Variants in DOP1A observed in about 807,000 individuals in gnomAD.
DOP1A encodes DOP1 leucine zipper like protein A.
DOP1A carries 90 observed loss-of-function variants against 267.6 expected under a neutral mutation model. That is an observed-to-expected ratio of 0.34 (90% confidence interval 0.28 to 0.40). The LOEUF (loss-of-function observed/expected upper bound fraction) is 0.40. Among genes scored for constraint, DOP1A ranks in the 10% least tolerant of loss-of-function variants. DOP1A has a pLI of 1.00. For synonymous variants in DOP1A, 932 were observed against 999.1 expected, an observed-to-expected ratio of 0.93 and a Z score of 1.27; for missense variants, 2,437 against 2,900.4, an observed-to-expected ratio of 0.84 and a Z score of 3.67.
Position 83,125,507 on chromosome 6 carries a change from A to G in DOP1A, c.1493A>G (p.Tyr498Cys), listed in dbSNP as rs772402762. The G allele has an allele frequency of 1.9e-6, 3 of 1,612,876 alleles. No homozygotes were observed. In the South Asian group the frequency reaches 3.3e-5, roughly 18 times the overall value. ...TTTCACTTTTATTTTCAGGAGACTTACATTGAAATCCAGACAGAACACTTG... is the reference window on the plus strand; with the variant it reads ...TTTCACTTTTATTTTCAGGAGACTTGCATTGAAATCCAGACAGAACACTTG... ...RSMRVLCQETYIEIQTEHLPQ... is the reference protein window; with the variant it reads ...RSMRVLCQETCIEIQTEHLPQ... The change falls in exon 15 of 39, where the codon TAC (tyrosine) becomes TGC (cysteine). Residue 498 changes from tyrosine to cysteine, a missense_variant. Around this residue, in one of 9 missense-constraint regions of DOP1A, gnomAD observed 498 missense variants for 513.5 expected, o/e 0.97. Transcript: ENST00000349129.
chr6:83,082,122 A>T (rs1054629763), intron 1 of DOP1A, among the ~76,000 whole-genome samples: 2 of 149,006 alleles, frequency 1.3e-5, no homozygotes, highest in Admixed American at 6.6e-5. Flanking sequence ...GGGGCCTCAA[A>T]AAATGAAAAA....
intron 1 of DOP1A, among the ~76,000 whole-genome samples, chr6:83,078,594 T>C (rs1767541641): frequency 6.6e-6 from 1 of 152,198 alleles, no homozygotes; most frequent in Non-Finnish European, 1.5e-5. Context: ...CTGTTGACAG[T>C]AATGAAGGAA....
At chr6:83,140,554 CGT>C in intron 23 of DOP1A, 151 bp downstream of exon 23, 1 of 666,848 alleles carries the variant, frequency 1.5e-6, no homozygotes, top group Non-Finnish European at 2.4e-6. Flanking sequence ...CTATGGCTGA[CGT>C]ATCATAGAAT....
chr6:83,089,989 A>G (rs1770040609), intron 1 of DOP1A, among the ~76,000 whole-genome samples: 1 of 152,234 alleles, frequency 6.6e-6, no homozygotes, highest in African/African-American at 2.4e-5. Context: ...AATATTCACA[A>G]GACAATTCAA....
chr6:83,148,573 T>A (rs1310216660), intron 26 of DOP1A, among the ~76,000 whole-genome samples, 186 bp from the exon 27 acceptor site: 1 of 152,086 alleles, frequency 6.6e-6, no homozygotes, highest in Non-Finnish European at 1.5e-5. Context: ...CATCTCTGTT[T>A]TAAAAAAAAG....
intron 1 of DOP1A, among the ~76,000 whole-genome samples, chr6:83,073,991 C>A (rs948873971): frequency 6.6e-6 from 1 of 152,128 alleles, no homozygotes; most frequent in African/African-American, 2.4e-5. Flanking sequence ...AGCAGTGATT[C>A]CATGTGGTAA....
intron 7 of DOP1A, among the ~76,000 whole-genome samples, chr6:83,114,994 A>G (rs990426203): frequency 3.3e-5 from 5 of 152,092 alleles, no homozygotes; most frequent in Admixed American, 6.5e-5. Flanking sequence ...CCCTCTTTCT[A>G]TGTCTTACAT....
chr6:83,122,142 A>T (rs1488437765), intron 11 of DOP1A, 92 bp downstream of exon 11: 2 of 1,430,428 alleles, frequency 1.4e-6, no homozygotes, highest in Non-Finnish European at 1.9e-6. Context: ...ATCCTACTCT[A>T]TGAAGTTTGT....
chr6:83,077,033 A>T (rs1312319509), intron 1 of DOP1A, among the ~76,000 whole-genome samples: 2 of 152,252 alleles, frequency 1.3e-5, no homozygotes, highest in African/African-American at 2.4e-5. Context: ...AGACCCATAC[A>T]ATATGGTTCC....
intron 4 of DOP1A, among the ~76,000 whole-genome samples, chr6:83,101,175 C>T (rs930879319): frequency 2.6e-5 from 4 of 152,062 alleles, no homozygotes; most frequent in Non-Finnish European, 5.9e-5. Context: ...GCCACCACGC[C>T]CGACTAATTT....
Position 83,145,777 on chromosome 6 carries a change from A to G in DOP1A, c.5676+119A>G, listed in dbSNP as rs73749715. On this transcript the variant is annotated intron_variant, in intron 25 of 38. Coordinates refer to ENST00000349129, the MANE Select transcript of DOP1A (RefSeq NM_015018.4). The stretch of plus-strand genomic sequence containing the variant: ...TAGTACAGATTGCAGAGATGACTGC[A>G]TGTGGCCCTCACACTGCTTCAATCA... The G allele has an allele frequency of 4.9e-3, 4,436 of 904,022 alleles. 149 individuals carry two copies. In the African/African-American group the frequency reaches 0.066, roughly 13 times the overall value. The allele number at this position is 904,022 out of a possible 1,614,324, so 56.0% of individuals were successfully genotyped here.
chr6:83,130,092 G>T, intron 16 of DOP1A, 31 bp from the exon 17 acceptor site: 1 of 1,601,800 alleles, frequency 6.2e-7, no homozygotes, highest in South Asian at 1.1e-5. Context: ...TTAGTATAAT[G>T]AACTCTGATT....
chr6:83,108,932 G>T lies in DOP1A; in HGVS notation c.343G>T (p.Ala115Ser). 2 of 1,611,276 alleles carry T rather than the reference G, an allele frequency of 1.2e-6. No individual in the cohort carries two copies. Among genetic ancestry groups the T allele is most frequent in the Non-Finnish European group, 8.5e-7 (1 of 1,178,834 alleles). Residue 115 changes from alanine to serine, a missense_variant, in exon 5 of 39, where the codon GCA becomes TCA. By Grantham distance (99) the Ala-to-Ser change is moderately conservative. Transcript: ENST00000349129. ...TAGTTCTGGATTATTTCCTCTTCTT[G>T]CAAATGCTGCCATGTCTGTGAAACC... The part of the protein sequence containing the change: ...LYSSGLFPLL[A>S]NAAMSVKPTL...
rs1459198188 is a variant in DOP1A at position 83,129,234 on chromosome 6, C to G, written c.2067C>G (p.Ile689Met). ...TCCAACAGTTTCTTACCAGACTTAT[C>G]AACCTCTACATCATTCAGAATAACT... ...EYVQQFLTRL[I>M]NLYIIQNNSF... Residue 689 changes from isoleucine to methionine, a missense_variant, in exon 16 of 39, where the codon ATC (isoleucine) becomes ATG (methionine). Coordinates refer to ENST00000349129, the MANE Select transcript of DOP1A (RefSeq NM_015018.4). 2 of 1,613,596 alleles carry G rather than the reference C, an allele frequency of 1.2e-6. No homozygotes were observed. Among genetic ancestry groups the G allele is most frequent in the Non-Finnish European group, 8.5e-7 (1 of 1,179,814 alleles).
chr6:83,162,961 A>C, intron 38 of DOP1A, 42 bp downstream of exon 38: 1 of 1,576,836 alleles, frequency 6.3e-7, no homozygotes, highest in Non-Finnish European at 8.6e-7. Context: ...ACATCACTAC[A>C]TGTTGCATTA....
At chr6:83,108,618 A>C (rs1170850955) in intron 4 of DOP1A, among the ~76,000 whole-genome samples, 2 of 152,198 alleles carry the variant, frequency 1.3e-5, no homozygotes, top group Non-Finnish European at 2.9e-5. Flanking sequence ...CAGTTATTAC[A>C]GGGAAGGCAC....
At chr6:83,077,596 A>G (rs1258385755) in intron 1 of DOP1A, among the ~76,000 whole-genome samples, 1 of 152,146 alleles carries the variant, frequency 6.6e-6, no homozygotes, top group Non-Finnish European at 1.5e-5. Flanking sequence ...GGATTGCTTG[A>G]GCCCAGGAGT....
chr6:83,131,460 G>A (rs1478448058), intron 17 of DOP1A, among the ~76,000 whole-genome samples: 1 of 152,002 alleles, frequency 6.6e-6, no homozygotes, highest in Non-Finnish European at 1.5e-5. Flanking sequence ...ATTATCTATT[G>A]TATAGGTTTT....
chr6:83,147,176 C>T, intron 25 of DOP1A, 60 bp from the exon 26 acceptor site: 3 of 857,158 alleles, frequency 3.5e-6, no homozygotes, highest in Non-Finnish European at 5.4e-6. Context: ...GTAGTTGCAA[C>T]AATGAAAAAG....
Sources: allele counts gnomAD v4.1 joint callset (sites outside exome capture counted in the v4.1 genomes callset), GRCh38; gene constraint gnomAD v4.1.1; regional missense constraint gnomAD v4.1.1; transcripts MANE v1.5; gene names NCBI Gene and HGNC (gene_info 2026-07-23, HGNC 2026-07-21).